ZNF106: variants seen among roughly 807,000 people sequenced by gnomAD.
ZNF106 encodes zinc finger protein 106, also known as SH3-domain binding protein 3.
A neutral mutation model predicts 195.1 loss-of-function variants in ZNF106; 67 were observed. That is an observed-to-expected ratio of 0.34 (90% confidence interval 0.28 to 0.42). The LOEUF (loss-of-function observed/expected upper bound fraction) is 0.42, where lower values mean the gene tolerates loss of function less well. Ranked by LOEUF, ZNF106 falls within the 10% of genes least tolerant of loss-of-function variation. The probability of loss-of-function intolerance (pLI) is 1.00; values close to 1 mark genes in which losing one functional copy is unlikely to be tolerated. For missense variants in ZNF106, 2,118 were observed against 2,304.5 expected, an observed-to-expected ratio of 0.92 and a Z score of 1.66; for synonymous variants, 784 against 818.6, an observed-to-expected ratio of 0.96 and a Z score of 0.72.
chr15:42,453,495 T>A (rs2056118621), intron 4 of ZNF106, among the ~76,000 whole-genome samples: 1 of 152,186 alleles, frequency 6.6e-6, no homozygotes, highest in African/African-American at 2.4e-5. Flanking sequence ...AAATACTGAG[T>A]ACTGCTAGCT....
intron 2 of ZNF106, among the ~76,000 whole-genome samples, chr15:42,467,525 C>T (rs535549393): frequency 9.9e-5 from 15 of 152,074 alleles, no homozygotes; most frequent in African/African-American, 3.6e-4. Flanking sequence ...GGCACAGTGG[C>T]TCATGCCTGT....
intron 10 of ZNF106, 131 bp downstream of exon 10, chr15:42,441,942 G>T: frequency 1.6e-6 from 1 of 638,158 alleles, no homozygotes; most frequent in Middle Eastern, 3.5e-4. Context: ...TATATGAAGA[G>T]AATTCCAGTG....
At chr15:42,422,451 T>TA in intron 18 of ZNF106, 50 bp downstream of exon 18, 1 of 1,593,216 alleles carries the variant, frequency 6.3e-7, no homozygotes, top group Non-Finnish European at 8.5e-7. Flanking sequence ...TAAACCCAAA[T>TA]AGACAATCTC....
At position 42,417,915 on chromosome 15, in the gene ZNF106, G is replaced by C. The variant is rs1231368496; in HGVS notation, c.5554C>G (p.His1852Asp). 2 of 1,613,930 alleles carry C rather than the reference G, an allele frequency of 1.2e-6. No homozygotes were observed. The highest frequency in any genetic ancestry group is 1.7e-6 in the Non-Finnish European group (2 of 1,179,940). The change falls in exon 21 of 22, where the codon CAT becomes GAT. Residue 1852 changes from histidine (H) to aspartate (D), a missense_variant. Transcript: ENST00000564754. ...GCSLIFGVVDHLKQHLLTDHT... is the reference protein window; with the variant it reads ...GCSLIFGVVDDLKQHLLTDHT... ...TCGGTCAGCAAGTGTTGTTTTAAAT[G>C]ATCTACAACGCCAAATATCAGAGAG...
intron 1 of ZNF106, among the ~76,000 whole-genome samples, chr15:42,479,669 C>T (rs1269593967): frequency 6.6e-6 from 1 of 151,876 alleles, no homozygotes; most frequent in African/African-American, 2.4e-5. Flanking sequence ...TGGCAAAACC[C>T]CATCTCTACT....
At chr15:42,446,209 A>G (rs1320166592) in intron 7 of ZNF106, among the ~76,000 whole-genome samples, 1 of 152,220 alleles carries the variant, frequency 6.6e-6, no homozygotes, top group Non-Finnish European at 1.5e-5. Flanking sequence ...ATGTCCAAAA[A>G]AAGTAAATGG....
chr15:42,464,591 G>A lies in ZNF106; in HGVS notation c.116+1462C>T. Among the ~76,000 whole-genome samples the A allele has an allele frequency of 1.5e-5, 2 of 137,808 alleles. 1 individual carries two copies. The highest frequency in any genetic ancestry group is 4.4e-4 in the East Asian group (2 of 4,496). 90.4% of individuals were successfully genotyped at this position (137,808 alleles called of 152,430 possible). A position where few individuals can be genotyped will look rare whatever the true frequency, so the allele number is the denominator to read the frequency against. On this transcript the variant is annotated intron_variant, in intron 3 of 21. Coordinates refer to ENST00000564754, the MANE Select transcript of ZNF106 (RefSeq NM_001366845.3). ...TCACCAGGCTGGAGTGTGGTGGTGTGATCTTGGCTCACTGCAACCTCCACC... is the reference window on the plus strand; with the variant it reads ...TCACCAGGCTGGAGTGTGGTGGTGTAATCTTGGCTCACTGCAACCTCCACC...
At chr15:42,488,079 G>A (rs1204297013) in intron 1 of ZNF106, among the ~76,000 whole-genome samples, 1 of 152,172 alleles carries the variant, frequency 6.6e-6, no homozygotes, top group Non-Finnish European at 1.5e-5. Flanking sequence ...TTATGTGGAT[G>A]CAATGTAGTA....
At position 42,428,090 on chromosome 15, in the gene ZNF106, G is replaced by C. The variant is rs11544099; in HGVS notation, c.4926C>G (p.Leu1642=). 0.12 allele frequency: 195,113 copies of C among 1,613,616 alleles called. 13,017 individuals are homozygous for C. The highest frequency in any genetic ancestry group is 0.14 in the Non-Finnish European group (164,090 of 1,179,570). ...VEQLQLEDRV[L]CLHSRWRILY... is the part of the protein sequence containing the mutation. The stretch of plus-strand genomic sequence containing the variant: ...GGATTCGCCATCTACTGTGGAGGCA[G>C]AGGACCCGGTCTTCCAGCTGTAACT... The change falls in exon 15 of 22, where the codon CTC becomes CTG. Residue 1642 remains leucine (L), a synonymous_variant. Transcript: ENST00000564754.
intron 14 of ZNF106, among the ~76,000 whole-genome samples, chr15:42,433,347 C>G (rs576888446): frequency 6.6e-6 from 1 of 152,136 alleles, no homozygotes; most frequent in African/African-American, 2.4e-5. Flanking sequence ...CCTCGTGATC[C>G]GCCCACCTCG....
chr15:42,487,039 A>G lies in ZNF106; in HGVS notation c.-33+3941T>C, dbSNP rs538192329. On this transcript the variant is annotated intron_variant, in intron 1 of 21. Coordinates refer to ENST00000564754, the MANE Select transcript of ZNF106 (RefSeq NM_001366845.3). ...GTGGCAGGTGCCTGTAATCCCAGCT[A>G]CTCGGGAGGCTGAGGCAGAAGAATC... Among the ~76,000 whole-genome samples the G allele has an allele frequency of 1.5e-4, 23 of 152,056 alleles. 1 individual carries two copies. The South Asian group carries it at 4.6e-3, about 30-fold the overall frequency.
rs753543669 is a variant in ZNF106 at position 42,439,770 on chromosome 15, A to G, written c.3807T>C (p.Ala1269=). Residue 1269 remains alanine (A), a synonymous_variant, in exon 11 of 22, where the codon GCT becomes GCC. Coordinates refer to ENST00000564754, the MANE Select transcript of ZNF106 (RefSeq NM_001366845.3). ...DSCPVYPVIT[A]RLSLPESTES... The stretch of plus-strand genomic sequence containing the variant: ...CTGTTGACTCTGGTAAGGACAATCT[A>G]GCAGTGATGACTGGATAAACTGGAC... 117 of 1,596,682 alleles carry G rather than the reference A, an allele frequency of 7.3e-5. No individual in the cohort carries two copies. The highest frequency in any genetic ancestry group is 9.5e-5 in the Non-Finnish European group (112 of 1,173,856).
At chr15:42,427,977 A>G (rs757032388) in intron 15 of ZNF106, 41 bp downstream of exon 15, 108 of 1,527,124 alleles carry the variant, frequency 7.1e-5, no homozygotes, top group Non-Finnish European at 7.7e-5. Context: ...CACTGTTTTC[A>G]AGTGCATGGG....
At chr15:42,460,754 G>C (rs140599338) in intron 3 of ZNF106, among the ~76,000 whole-genome samples, 2,075 of 152,110 alleles carry the variant, frequency 0.014, 58 homozygotes, top group African/African-American at 0.048. Flanking sequence ...CAACTACTTG[G>C]GAGGTTGAGG....
intron 1 of ZNF106, among the ~76,000 whole-genome samples, chr15:42,475,477 A>G (rs1377955659): frequency 1.3e-5 from 2 of 152,216 alleles, no homozygotes; most frequent in Non-Finnish European, 2.9e-5. Flanking sequence ...TCAAAACACT[A>G]AAGTAAGATT....
At chr15:42,444,112 CAAAAAAA>C (rs58966014) in intron 9 of ZNF106, 83 bp downstream of exon 9, 692 of 246,292 alleles carry the variant, frequency 2.8e-3, no homozygotes, top group South Asian at 4.6e-3. Flanking sequence ...ACTCTGTCTC[CAAAAAAA>C]AAAAAAAAAA....
At chr15:42,472,994 A>G (rs2141425448) in intron 1 of ZNF106, among the ~76,000 whole-genome samples, 1 of 151,404 alleles carries the variant, frequency 6.6e-6, no homozygotes, top group Admixed American at 6.6e-5. Context: ...CGACAGAGCA[A>G]GACTCCAACT....
At chr15:42,433,479 T>C (rs1206546395) in intron 14 of ZNF106, among the ~76,000 whole-genome samples, 2 of 130,632 alleles carry the variant, frequency 1.5e-5, no homozygotes, top group African/African-American at 7.2e-5. Context: ...ATTGTTCTTT[T>C]TTTTTTCTTT....
chr15:42,446,534 C>A (rs878987915), intron 7 of ZNF106, 55 bp downstream of exon 7: 4 of 1,476,762 alleles, frequency 2.7e-6, no homozygotes, highest in East Asian at 4.9e-5. Context: ...CCCGCACCCC[C>A]CAAAAAAAAC....
Sources: allele counts gnomAD v4.1 joint callset (sites outside exome capture counted in the v4.1 genomes callset), GRCh38; gene constraint gnomAD v4.1.1; transcripts MANE v1.5; gene names NCBI Gene and HGNC (gene_info 2026-07-23, HGNC 2026-07-21).